NIPBL: variants seen among roughly 807,000 people sequenced by gnomAD.
NIPBL encodes the protein NIPBL cohesin loading factor.
NIPBL carries 19 observed loss-of-function variants against 321.8 expected under a neutral mutation model. The observed-to-expected ratio is 0.06, with a 90% CI of 0.04 to 0.09. The LOEUF (loss-of-function observed/expected upper bound fraction) is 0.09. Among genes scored for constraint, NIPBL ranks in the 10% least tolerant of loss-of-function variants. NIPBL has a pLI of 1.00. For missense variants in NIPBL, 2,210 were observed against 3,327.0 expected (o/e 0.66, Z 8.26); for synonymous variants, 1,106 against 1,114.1 (o/e 0.99, Z 0.14).
intron 1 of NIPBL, among the ~76,000 whole-genome samples, chr5:36,896,267 A>G (rs1746729056): frequency 6.6e-6 from 1 of 152,126 alleles, no homozygotes; most frequent in Non-Finnish European, 1.5e-5. Flanking sequence ...TTGGCTCTCA[A>G]TTTTATTCCA....
intron 32 of NIPBL, among the ~76,000 whole-genome samples, chr5:37,033,721 TA>T (rs1429279838): frequency 2.2e-5 from 2 of 90,750 alleles, no homozygotes; most frequent in Non-Finnish European, 4.4e-5. Context: ...TATATATATA[TA>T]TATATATATT....
rs300061 is a variant in NIPBL, at chr5:37,022,673, G to A, written c.5574+283G>A. Among the ~76,000 whole-genome samples the A allele has an allele frequency of 0.56, 85,509 of 151,954 alleles. 26,107 individuals are homozygous for A. Among genetic ancestry groups the A allele is most frequent in the African/African-American group, 0.82 (33,888 of 41,450 alleles). The stretch of plus-strand genomic sequence containing the variant: ...GAGTAGATGATAGGAACCACATGGG[G>A]TAGTTAAATGTTTTTGAACAAGAAT... On this transcript the variant is annotated intron_variant, in intron 29 of 46. Transcript: ENST00000282516.
At chr5:37,061,090 G>A (rs892913118) in intron 45 of NIPBL, 72 bp downstream of exon 45, 2 of 1,076,958 alleles carry the variant, frequency 1.9e-6, no homozygotes, top group Non-Finnish European at 2.9e-6. Flanking sequence ...GGGGCCGGTG[G>A]GGAGATAACT....
At chr5:37,008,134 A>G in intron 19 of NIPBL, 46 bp downstream of exon 19, 1 of 1,228,172 alleles carries the variant, frequency 8.1e-7, no homozygotes, top group Non-Finnish European at 1.2e-6. Flanking sequence ...CAAATAAAAC[A>G]ATATTGATGT....
At chr5:36,897,304 G>C (rs1246950310) in intron 1 of NIPBL, among the ~76,000 whole-genome samples, 1 of 152,108 alleles carries the variant, frequency 6.6e-6, no homozygotes, top group African/African-American at 2.4e-5. Flanking sequence ...ATCCGGCCTG[G>C]AATTGCTTTC....
intron 1 of NIPBL, among the ~76,000 whole-genome samples, chr5:36,901,649 A>T (rs948665632): frequency 6.6e-6 from 1 of 151,916 alleles, no homozygotes; most frequent in Non-Finnish European, 1.5e-5. Flanking sequence ...AGCGGGGATT[A>T]CAGGCGTGCA....
intron 44 of NIPBL, 33 bp from the exon 45 acceptor site, chr5:37,060,811 T>A: frequency 1.3e-6 from 2 of 1,592,298 alleles, no homozygotes; most frequent in South Asian, 2.2e-5. Context: ...TTTCCATAGT[T>A]TTAAAGTTTT....
chr5:36,990,151 C>G (rs1745328960), intron 10 of NIPBL, among the ~76,000 whole-genome samples: 1 of 152,126 alleles, frequency 6.6e-6, no homozygotes, highest in South Asian at 2.1e-4. Context: ...TGAAAGTAGT[C>G]TTCACTGGGA....
At chr5:36,956,616 C>CTTTTTTTTT (rs34760816) in intron 3 of NIPBL, among the ~76,000 whole-genome samples, 25 of 79,488 alleles carry the variant, frequency 3.1e-4, no homozygotes, top group South Asian at 4.9e-4. Context: ...TAAATCACTT[C>CTTTTTTTTT]TTTTTTTTTT....
At chr5:37,047,270 TA>T (rs1419554329) in intron 38 of NIPBL, among the ~76,000 whole-genome samples, 1 of 152,206 alleles carries the variant, frequency 6.6e-6, no homozygotes, top group African/African-American at 2.4e-5. Context: ...ATTAAAAACT[TA>T]TTTGGAAATT....
At chr5:37,021,517 C>T (rs1281583268) in intron 27 of NIPBL, among the ~76,000 whole-genome samples, 2 of 151,850 alleles carry the variant, frequency 1.3e-5, no homozygotes, top group African/African-American at 4.8e-5. Context: ...CCCATCTCTA[C>T]TAAAAATACA....
At chr5:37,063,369 G>A (rs192688546) in intron 45 of NIPBL, among the ~76,000 whole-genome samples, 11 of 152,098 alleles carry the variant, frequency 7.2e-5, no homozygotes, top group South Asian at 4.1e-4. Flanking sequence ...CTCTTGTATC[G>A]TCTTAGCAGA....
At chr5:36,966,983 T>C (rs1283348248) in intron 6 of NIPBL, among the ~76,000 whole-genome samples, 1 of 152,000 alleles carries the variant, frequency 6.6e-6, no homozygotes, top group Non-Finnish European at 1.5e-5. Flanking sequence ...TATAAATTTG[T>C]ATATAAGAGA....
chr5:36,895,971 T>G (rs292160), intron 1 of NIPBL, among the ~76,000 whole-genome samples: 21,634 of 152,214 alleles, frequency 0.14, 1,911 homozygotes, highest in East Asian at 0.31. Context: ...AAGATCTCTA[T>G]TGTTTTCCTT....
chr5:37,044,924 T>G (rs996376510), intron 36 of NIPBL, among the ~76,000 whole-genome samples, 195 bp downstream of exon 36: 2 of 152,212 alleles, frequency 1.3e-5, no homozygotes, highest in African/African-American at 4.8e-5. Flanking sequence ...CTTCAGAAAT[T>G]TATCTCCTGA....
Position 37,052,623 on chromosome 5 carries a change from A to T in NIPBL, c.7263+57A>T. ...TAAGTGCTCTAGAAATTTTATGGAT[A>T]AAGTAGTCATTTTTTAAATATTACC... On this transcript the variant is annotated intron_variant, in intron 42 of 46. Transcript: ENST00000282516. The T allele has an allele frequency of 2.3e-6, 3 of 1,332,410 alleles. No homozygotes were observed. The Admixed American group carries it at 5.2e-5, about 23-fold the overall frequency. The allele number at this position is 1,332,410 out of a possible 1,614,324, so 82.5% of individuals were successfully genotyped here. A position where few individuals can be genotyped will look rare whatever the true frequency, so the allele number is the denominator to read the frequency against.
chr5:36,962,880 A>C (rs550672206), intron 6 of NIPBL, among the ~76,000 whole-genome samples: 3 of 152,178 alleles, frequency 2.0e-5, no homozygotes, highest in Admixed American at 6.5e-5. Flanking sequence ...TATGCATTTT[A>C]TATCAGGGAC....
At chr5:36,936,844 GAA>G (rs1038922067) in intron 1 of NIPBL, among the ~76,000 whole-genome samples, 1 of 141,648 alleles carries the variant, frequency 7.1e-6, no homozygotes, top group African/African-American at 2.6e-5. Flanking sequence ...AGATTAAATG[GAA>G]AAAAAAAAAA....
intron 1 of NIPBL, among the ~76,000 whole-genome samples, chr5:36,888,487 T>G (rs1324227746): frequency 2.6e-5 from 4 of 152,146 alleles, no homozygotes; most frequent in African/African-American, 9.6e-5. Flanking sequence ...TAAGGAAAGT[T>G]AAAGGAAGGA....
Sources: allele counts gnomAD v4.1 joint callset (sites outside exome capture counted in the v4.1 genomes callset), GRCh38; gene constraint gnomAD v4.1.1; transcripts MANE v1.5; gene names NCBI Gene and HGNC (gene_info 2026-07-23, HGNC 2026-07-21).